PTPRD: variants seen among roughly 807,000 people sequenced by gnomAD.
The protein encoded by PTPRD is receptor-type tyrosine-protein phosphatase delta.
A neutral mutation model predicts 214.5 loss-of-function variants in PTPRD; 34 were observed. The observed-to-expected ratio is 0.16, with a 90% confidence interval of 0.12 to 0.21. The LOEUF is 0.21. Among genes scored for constraint, PTPRD ranks in the 10% least tolerant of loss-of-function variants. PTPRD has a pLI of 1.00. For synonymous variants in PTPRD, 1,128 were observed against 845.7 expected (o/e 1.33, Z -5.79); for missense variants, 2,545 against 2,398.7 (o/e 1.06, Z -1.27).
rs1043864237 is a variant in PTPRD at position 10,323,352 on chromosome 9, T to C, written c.-545+17611A>G. On this transcript the variant is annotated intron_variant, in intron 3 of 45. Transcript: ENST00000381196. Reference sequence around the variant, plus strand: ...GGGGTCTCACTCCATTGGAATGCAGTGGTGTGATTTTGCCTCACAGCAATC... The same window carrying C: ...GGGGTCTCACTCCATTGGAATGCAGCGGTGTGATTTTGCCTCACAGCAATC... 4.1e-5 allele frequency among the ~76,000 whole-genome samples: 6 copies of C among 147,650 alleles called. No individual in the cohort carries two copies. In the East Asian group the frequency reaches 1.3e-3, roughly 31 times the overall value.
chr9:8,545,959 A>C (rs1268090436), intron 14 of PTPRD, among the ~76,000 whole-genome samples: 1 of 152,232 alleles, frequency 6.6e-6, no homozygotes, highest in Non-Finnish European at 1.5e-5. Context: ...TCAATTTATC[A>C]GGTGGCTAGC....
At chr9:10,151,364 G>A (rs2099060144) in intron 3 of PTPRD, among the ~76,000 whole-genome samples, 1 of 143,918 alleles carries the variant, frequency 6.9e-6, no homozygotes, top group Non-Finnish European at 1.5e-5. Context: ...TCGAGTTCAA[G>A]CGATTCTCCT....
chr9:10,577,748 A>G (rs2069966085), intron 2 of PTPRD, among the ~76,000 whole-genome samples: 1 of 152,198 alleles, frequency 6.6e-6, no homozygotes, highest in South Asian at 2.1e-4. Flanking sequence ...AAGATATTTT[A>G]TTGATTAAAA....
At chr9:8,946,650 C>A (rs1239042779) in intron 11 of PTPRD, among the ~76,000 whole-genome samples, 1 of 152,086 alleles carries the variant, frequency 6.6e-6, no homozygotes, top group Non-Finnish European at 1.5e-5. Context: ...ATGTAAGGGC[C>A]AAGGACCAGG....
chr9:10,299,283 T>C (rs185717805), intron 3 of PTPRD, among the ~76,000 whole-genome samples: 162 of 152,284 alleles, frequency 1.1e-3, no homozygotes, highest in African/African-American at 3.7e-3. Flanking sequence ...TGGACTATTG[T>C]CTATTTTTCT....
intron 11 of PTPRD, among the ~76,000 whole-genome samples, chr9:9,017,708 A>G (rs939723538): frequency 1.3e-5 from 2 of 152,172 alleles, no homozygotes; most frequent in Non-Finnish European, 2.9e-5. Flanking sequence ...ACATCGAATA[A>G]TTGCATGATG....
At chr9:8,560,468 CACACATAT>C (rs1328013059) in intron 14 of PTPRD, among the ~76,000 whole-genome samples, 11 of 138,876 alleles carry the variant, frequency 7.9e-5, no homozygotes, top group African/African-American at 2.5e-4. Flanking sequence ...CACACACACA[CACACATAT>C]ATACACTGTT....
intron 8 of PTPRD, among the ~76,000 whole-genome samples, chr9:9,486,553 C>A (rs1231308235): frequency 6.6e-6 from 1 of 151,270 alleles, no homozygotes. Flanking sequence ...CTTAGTTTTT[C>A]TTTTCTTTTT....
At chr9:8,553,935 T>A (rs562114447) in intron 14 of PTPRD, among the ~76,000 whole-genome samples, 1 of 152,244 alleles carries the variant, frequency 6.6e-6, no homozygotes, top group South Asian at 2.1e-4. Flanking sequence ...ACGCCTGTAA[T>A]CCTAGCACTT....
chr9:9,409,882 G>A (rs1160918901), intron 8 of PTPRD, among the ~76,000 whole-genome samples: 2 of 151,506 alleles, frequency 1.3e-5, no homozygotes, highest in Non-Finnish European at 2.9e-5. Flanking sequence ...TACAGATAAC[G>A]ATAAGAAACT....
At chr9:10,450,119 C>A (rs959120259) in intron 2 of PTPRD, among the ~76,000 whole-genome samples, 3 of 151,818 alleles carry the variant, frequency 2.0e-5, no homozygotes, top group Non-Finnish European at 4.4e-5. Flanking sequence ...GCCGCAGGGT[C>A]CTCTGCCTAG....
chr9:9,342,017 C>T (rs2046997045), intron 9 of PTPRD, among the ~76,000 whole-genome samples: 1 of 152,050 alleles, frequency 6.6e-6, no homozygotes, highest in Admixed American at 6.6e-5. Flanking sequence ...CCATATTGGT[C>T]AGGATGATCT....
At chr9:9,333,150 T>C (rs962958908) in intron 9 of PTPRD, among the ~76,000 whole-genome samples, 19 of 151,850 alleles carry the variant, frequency 1.3e-4, no homozygotes, top group African/African-American at 3.9e-4. Flanking sequence ...GGCAAGATTA[T>C]CACATTTGAG....
intron 3 of PTPRD, among the ~76,000 whole-genome samples, chr9:10,197,436 A>G (rs935395363): frequency 6.6e-6 from 1 of 152,156 alleles, no homozygotes; most frequent in Non-Finnish European, 1.5e-5. Context: ...ACAAGACATT[A>G]AAAACTTTGC....
At chr9:9,705,712 C>T (rs1286374471) in intron 7 of PTPRD, among the ~76,000 whole-genome samples, 2 of 151,976 alleles carry the variant, frequency 1.3e-5, no homozygotes, top group Non-Finnish European at 2.9e-5. Flanking sequence ...CTACCTTAAC[C>T]AGTTTTGTCA....
intron 2 of PTPRD, among the ~76,000 whole-genome samples, chr9:10,404,111 AC>A (rs1463505846): frequency 2.0e-5 from 3 of 151,780 alleles, no homozygotes; most frequent in Non-Finnish European, 4.4e-5. Flanking sequence ...TGCAAACTGT[AC>A]TTTCCGTTCA....
chr9:8,987,584 G>A (rs1185773215), intron 11 of PTPRD, among the ~76,000 whole-genome samples: 1 of 152,100 alleles, frequency 6.6e-6, no homozygotes, highest in Non-Finnish European at 1.5e-5. Context: ...GAAATATTAA[G>A]TGCTAATGTG....
intron 3 of PTPRD, among the ~76,000 whole-genome samples, chr9:10,248,785 C>T (rs2092480659): frequency 6.6e-6 from 1 of 151,980 alleles, no homozygotes; most frequent in Non-Finnish European, 1.5e-5. Flanking sequence ...GTTTGGGTAG[C>T]TCAAAAATCT....
intron 32 of PTPRD, among the ~76,000 whole-genome samples, chr9:8,464,506 G>T (rs1173664958): frequency 6.6e-6 from 1 of 151,864 alleles, no homozygotes; most frequent in Non-Finnish European, 1.5e-5. Context: ...TTGAAGAGAG[G>T]CCCCACTGTA....
Sources: gnomAD v4.1 joint callset for allele counts (sites outside exome capture counted in the v4.1 genomes callset) on GRCh38, gnomAD v4.1.1 for gene constraint, MANE v1.5 for transcripts, NCBI Gene and HGNC (gene_info 2026-07-23, HGNC 2026-07-21) for gene names.